Variants in DMXL2 observed in about 807,000 individuals in gnomAD.
DMXL2 encodes the protein dmX-like protein 2.
DMXL2 carries 103 observed loss-of-function variants against 331.1 expected under a neutral mutation model. The ratio of observed to expected loss-of-function variants is 0.31; its 90% CI spans 0.27 to 0.37. DMXL2 has a LOEUF of 0.37. Ranked by LOEUF, DMXL2 falls within the 10% of genes least tolerant of loss-of-function variation. The pLI, the probability that DMXL2 is intolerant of heterozygous loss-of-function variation, is 1.00. For missense variants in DMXL2, 3,171 were observed against 3,642.9 expected (o/e 0.87, Z 3.33); for synonymous variants, 1,281 against 1,252.1 (o/e 1.02, Z -0.49).
At chr15:51,495,643 T>C (rs572444076) in intron 18 of DMXL2, among the ~76,000 whole-genome samples, 1 of 152,292 alleles carries the variant, frequency 6.6e-6, no homozygotes, top group Non-Finnish European at 1.5e-5. Flanking sequence ...GTTACATGGT[T>C]AGTTTGAACC....
At chr15:51,602,901 A>T (rs2053328354) in intron 1 of DMXL2, among the ~76,000 whole-genome samples, 1 of 152,244 alleles carries the variant, frequency 6.6e-6, no homozygotes, top group African/African-American at 2.4e-5. Context: ...TCCAGGCATA[A>T]TCCAAAATTA....
At chr15:51,465,674 A>T (rs1423190128) in intron 30 of DMXL2, 23 bp from the exon 31 acceptor site, 1 of 1,492,618 alleles carries the variant, frequency 6.7e-7, no homozygotes, top group Non-Finnish European at 9.1e-7. Flanking sequence ...GGGCAAAAAG[A>T]GTCTTTAAGT....
chr15:51,597,735 T>A (rs1297952385), intron 1 of DMXL2, among the ~76,000 whole-genome samples: 1 of 152,226 alleles, frequency 6.6e-6, no homozygotes, highest in Non-Finnish European at 1.5e-5. Flanking sequence ...AAAATAGTTG[T>A]ACCAATTTAT....
intron 13 of DMXL2, among the ~76,000 whole-genome samples, chr15:51,517,421 C>T (rs1225916052): frequency 6.6e-6 from 1 of 152,162 alleles, no homozygotes; most frequent in Non-Finnish European, 1.5e-5. Context: ...ATTTTTGCAA[C>T]CTTAAAGCCC....
chr15:51,467,691 A>C (rs1027534914), intron 29 of DMXL2, among the ~76,000 whole-genome samples: 1 of 152,152 alleles, frequency 6.6e-6, no homozygotes, highest in Non-Finnish European at 1.5e-5. Context: ...TATGTATTAA[A>C]AGCCTTATTT....
At position 51,499,035 on chromosome 15, in the gene DMXL2, G is replaced by A. The variant is rs773327651; in HGVS notation, c.4189C>T (p.Arg1397Ter). Residue 1397 changes from arginine to a stop codon, truncating the protein, a stop_gained, in exon 18 of 44, where the codon CGA becomes TGA. Coordinates refer to ENST00000560891, the MANE Select transcript of DMXL2 (RefSeq NM_001378457.1). LOFTEE classifies it high-confidence loss of function. ...AGEGTKRHLS[R>*]TISVSGSTAK... ...GTACTGCCACTTACACTAATAGTTCGAGAGAGATGTCGCTTAGTTCCTTCT... is the reference window on the plus strand; with the variant it reads ...GTACTGCCACTTACACTAATAGTTCAAGAGAGATGTCGCTTAGTTCCTTCT... 1.9e-6 allele frequency: 3 copies of A among 1,613,848 alleles called. No individual in the cohort carries two copies. Among genetic ancestry groups the A allele is most frequent in the Non-Finnish European group, 2.5e-6 (3 of 1,180,006 alleles).
At chr15:51,476,552 TAGA>T (rs2041597708) in intron 27 of DMXL2, 34 bp downstream of exon 27, 1 of 1,590,428 alleles carries the variant, frequency 6.3e-7, no homozygotes, top group Admixed American at 1.9e-5. Flanking sequence ...AATTGCCAAC[TAGA>T]AGATTTTTTT....
chr15:51,562,269 G>A (rs954531431), intron 6 of DMXL2, among the ~76,000 whole-genome samples: 6 of 151,828 alleles, frequency 4.0e-5, no homozygotes, highest in African/African-American at 7.3e-5. Context: ...ATATAATATC[G>A]AAGGTCAGTG....
chr15:51,583,119 T>C (rs1231848808), intron 1 of DMXL2, among the ~76,000 whole-genome samples: 9 of 38,746 alleles, frequency 2.3e-4, no homozygotes, highest in Admixed American at 8.5e-4. Context: ...TTTTTTTTTT[T>C]TCTTTTTTTT....
At chr15:51,496,148 C>T (rs895424147) in intron 18 of DMXL2, among the ~76,000 whole-genome samples, 3 of 151,960 alleles carry the variant, frequency 2.0e-5, no homozygotes, top group African/African-American at 4.8e-5. Context: ...CTCATTCGTC[C>T]GTTTATTCAT....
chr15:51,521,506 T>C (rs1254967281), intron 13 of DMXL2, among the ~76,000 whole-genome samples: 1 of 151,190 alleles, frequency 6.6e-6, no homozygotes, highest in Non-Finnish European at 1.5e-5. Context: ...TTTTTTCAGG[T>C]TAAATAACTT....
chr15:51,488,566 ACTG>A lies in DMXL2; in HGVS notation c.5030_5032del (p.Ala1677del). On this transcript the variant is annotated inframe_deletion, in exon 21 of 44. Coordinates refer to ENST00000560891, the MANE Select transcript of DMXL2 (RefSeq NM_001378457.1). ...AACTTACCTAAACAGACCCCACACT[ACTG>A]CTTTCTTCTTCATTGAAAGGTAGAA... The A allele has an allele frequency of 6.2e-7, 1 of 1,613,480 alleles. No individual in the cohort carries two copies. Among genetic ancestry groups the A allele is most frequent in the Non-Finnish European group, 8.5e-7 (1 of 1,179,786 alleles).
At chr15:51,523,252 G>C (rs1034794173) in intron 13 of DMXL2, among the ~76,000 whole-genome samples, 1 of 152,184 alleles carries the variant, frequency 6.6e-6, no homozygotes, top group Non-Finnish European at 1.5e-5. Flanking sequence ...ACAGAAAGTA[G>C]TCATGTCATC....
At chr15:51,456,491 G>GT (rs1409298683) in intron 37 of DMXL2, 122 bp from the exon 38 acceptor site, 6 of 651,078 alleles carry the variant, frequency 9.2e-6, no homozygotes, top group Non-Finnish European at 1.6e-5. Flanking sequence ...GATAAAGCCT[G>GT]TTATGGATGT....
At chr15:51,556,184 A>G (rs1253484985) in intron 6 of DMXL2, among the ~76,000 whole-genome samples, 1 of 151,898 alleles carries the variant, frequency 6.6e-6, no homozygotes, top group Non-Finnish European at 1.5e-5. Flanking sequence ...TCTACTAAAA[A>G]TACAAAAAAT....
intron 13 of DMXL2, among the ~76,000 whole-genome samples, chr15:51,531,696 C>A (rs1042814977): frequency 2.6e-5 from 4 of 151,916 alleles, no homozygotes; most frequent in Admixed American, 6.6e-5. Context: ...GTAATCTGAT[C>A]AAAAAATGGG....
chr15:51,605,516 T>TC, intron 1 of DMXL2, among the ~76,000 whole-genome samples: 1 of 76,416 alleles, frequency 1.3e-5, no homozygotes, highest in Admixed American at 1.6e-4. Flanking sequence ...AGATTAATAT[T>TC]CTTTTTTTTT....
intron 1 of DMXL2, among the ~76,000 whole-genome samples, chr15:51,582,939 T>A (rs576369837): frequency 6.6e-6 from 1 of 152,048 alleles, no homozygotes; most frequent in South Asian, 2.1e-4. Context: ...TAATTACCTA[T>A]GAACCCTTCC....
At position 51,536,835 on chromosome 15, in the gene DMXL2, C is replaced by A; in HGVS notation, c.1645G>T (p.Ala549Ser). 1 of 1,606,076 alleles carries A rather than the reference C, an allele frequency of 6.2e-7. No individual in the cohort carries two copies. The highest frequency in any genetic ancestry group is 8.5e-7 in the Non-Finnish European group (1 of 1,177,556). Residue 549 changes from alanine (A) to serine (S), a missense_variant, in exon 12 of 44, where the codon GCA becomes TCA. Transcript: ENST00000560891. ...QVSFSSRIPVAFPSGDASSLS... is the reference protein window; with the variant it reads ...QVSFSSRIPVSFPSGDASSLS... ...GAGCTTGCATCACCAGAGGGAAATG[C>A]AACAGGAATCCGAGAAGAAAAAGAA...
Sources: gnomAD v4.1 joint callset for allele counts (sites outside exome capture counted in the v4.1 genomes callset) on GRCh38, gnomAD v4.1.1 for gene constraint, MANE v1.5 for transcripts, NCBI Gene and HGNC (gene_info 2026-07-23, HGNC 2026-07-21) for gene names.